Variants in ZNF440 observed in about 807,000 individuals in gnomAD.
The protein encoded by ZNF440 is zinc finger protein 440.
A neutral mutation model predicts 49.7 loss-of-function variants in ZNF440; 47 were observed. That is an observed-to-expected ratio of 0.95 (90% confidence interval 0.75 to 1.21). The LOEUF is 1.21. Among genes scored for constraint, ZNF440 ranks in the 50% most tolerant of loss-of-function variants. ZNF440 has a pLI of 0.00. For synonymous variants in ZNF440, 255 were observed against 237.7 expected, an observed-to-expected ratio of 1.07 and a Z score of -0.67; for missense variants, 703 against 715.0, an observed-to-expected ratio of 0.98 and a Z score of 0.19.
intron 1 of ZNF440, among the ~76,000 whole-genome samples, chr19:11,821,191 G>A (rs905764154): frequency 2.0e-5 from 3 of 152,102 alleles, no homozygotes; most frequent in Admixed American, 1.3e-4. Flanking sequence ...GGCAGAATTG[G>A]GGTGACCTAA....
At position 11,832,480 on chromosome 19, in the gene ZNF440, A is replaced by T; in HGVS notation, c.1304A>T (p.Tyr435Phe). 1 of 1,612,020 alleles carries T rather than the reference A, an allele frequency of 6.2e-7. No homozygotes were observed. Among genetic ancestry groups the T allele is most frequent in the Admixed American group, 1.7e-5 (1 of 59,778 alleles). Residue 435 changes from tyrosine (Y) to phenylalanine (F), a missense_variant, in exon 4 of 4, where the codon TAT becomes TTT. Tyr to Phe is a conservative substitution (Grantham distance 22). Coordinates refer to ENST00000304060, the MANE Select transcript of ZNF440 (RefSeq NM_152357.3). ...ECKECGKAFR[Y>F]VNNLQSHERT... The stretch of plus-strand genomic sequence containing the variant: ...AAGGAATGTGGGAAAGCCTTCAGAT[A>T]TGTGAATAACCTTCAAAGTCATGAA...
rs769163751 is a variant in ZNF440 at position 11,832,019 on chromosome 19, A to G, written c.843A>G (p.Glu281=). The part of the protein sequence containing the change: ...YRRHERIHMG[E]KAYQCKECGK... The stretch of plus-strand genomic sequence containing the variant: ...GACATGAAAGGATTCACATGGGAGA[A>G]AAGGCTTATCAATGTAAGGAATGTG... Residue 281 remains glutamate, a synonymous_variant, in exon 4 of 4, where the codon GAA becomes GAG. Coordinates refer to ENST00000304060, the MANE Select transcript of ZNF440 (RefSeq NM_152357.3). 1.9e-6 allele frequency: 3 copies of G among 1,614,130 alleles called. No individual in the cohort carries two copies. Among genetic ancestry groups the G allele is most frequent in the Non-Finnish European group, 2.5e-6 (3 of 1,180,010 alleles).
Position 11,834,828 on chromosome 19 carries a change from T to G in ZNF440, c.*1864T>G, listed in dbSNP as rs527635228. The G allele has an allele frequency of 7.2e-4, 110 of 152,222 alleles. No homozygotes were observed. Among genetic ancestry groups the G allele is most frequent in the African/African-American group, 2.5e-3 (105 of 41,540 alleles). 9.4% of individuals were successfully genotyped at this position (152,222 alleles called of 1,614,324 possible). On this transcript the variant is annotated 3_prime_UTR_variant, in exon 4 of 4. Transcript: ENST00000304060. Reference sequence around the variant, plus strand: ...GGCTCACGCCTGTAATCCCAGCACTTTGGGAGGCCGAGGTCAGGAGTTAGA... The same window carrying G: ...GGCTCACGCCTGTAATCCCAGCACTGTGGGAGGCCGAGGTCAGGAGTTAGA...
At chr19:11,817,553 C>T (rs1549) in intron 1 of ZNF440, 48,559 of 151,920 alleles carry the variant, frequency 0.32, 8,091 homozygotes, top group Non-Finnish European at 0.37. Flanking sequence ...GCTGAGGACA[C>T]GCCACTGCAC....
rs117107178 is a variant in ZNF440, at chr19:11,826,209, C to A, written c.4-4074C>A. 3.9e-3 allele frequency among the ~76,000 whole-genome samples: 590 copies of A among 152,274 alleles called. 20 individuals are homozygous for A. In the East Asian group the frequency reaches 0.077, roughly 20 times the overall value. On this transcript the variant is annotated intron_variant, in intron 1 of 3. Transcript: ENST00000304060. ...CACCTGTTGAAAGGCTCATCTTGAG[C>A]CTGGTGTCACGCCTCATCCCTGAGT...
At chr19:11,830,816 T>C (rs1975927650) in intron 3 of ZNF440, 139 bp downstream of exon 3, 1 of 1,170,396 alleles carries the variant, frequency 8.5e-7, no homozygotes, top group Middle Eastern at 2.2e-4. Context: ...AAAAAACATA[T>C]ATGTAAATGT....
chr19:11,833,217 C>T lies in ZNF440; in HGVS notation c.*253C>T, dbSNP rs1218397152. 1 of 1,016,408 alleles carries T rather than the reference C, an allele frequency of 9.8e-7. No individual in the cohort carries two copies. The highest frequency in any genetic ancestry group is 1.5e-6 in the Non-Finnish European group (1 of 684,930). The allele number at this position is 1,016,408 out of a possible 1,614,324, so 63.0% of individuals were successfully genotyped here. A position where few individuals can be genotyped will look rare whatever the true frequency, so the allele number is the denominator to read the frequency against. On this transcript the variant is annotated 3_prime_UTR_variant, in exon 4 of 4. Coordinates refer to ENST00000304060, the MANE Select transcript of ZNF440 (RefSeq NM_152357.3). ...AAAAATCTTCGATTTCATAAAAGGA[C>T]ACACACTGGAGAGAAACCCTGTGAA...
intron 1 of ZNF440, chr19:11,817,079 G>A (rs1330683532): frequency 6.6e-6 from 1 of 152,216 alleles, no homozygotes; most frequent in Admixed American, 6.5e-5. Context: ...GAAAGTTTCA[G>A]ATTTCAACTG....
At chr19:11,822,264 C>A (rs1232646960) in intron 1 of ZNF440, among the ~76,000 whole-genome samples, 1 of 152,144 alleles carries the variant, frequency 6.6e-6, no homozygotes, top group Non-Finnish European at 1.5e-5. Flanking sequence ...CATGGAGGAA[C>A]TGGGAGAAAG....
At chr19:11,830,981 G>T (rs959792055) in intron 3 of ZNF440, among the ~76,000 whole-genome samples, 3 of 152,078 alleles carry the variant, frequency 2.0e-5, no homozygotes, top group African/African-American at 7.2e-5. Flanking sequence ...GTGGTCTGTA[G>T]TCCCAGCTAC....
Position 11,832,463 on chromosome 19 carries a change from TG to T in ZNF440, c.1290del (p.Ala432ProfsTer5). On this transcript the variant is annotated frameshift_variant, in exon 4 of 4. Transcript: ENST00000304060. LOFTEE classifies it high-confidence loss of function. ...GEKPYECKEC[G>X]KAFRYVNNLQ... ...AGAAACCGTATGAATGTAAGGAATG[TG>T]GGAAAGCCTTCAGATATGTGAATAA... The T allele has an allele frequency of 6.2e-7, 1 of 1,613,406 alleles. No homozygotes were observed. The highest frequency in any genetic ancestry group is 8.5e-7 in the Non-Finnish European group (1 of 1,179,882).
At chr19:11,819,185 T>C (rs1228793267) in intron 1 of ZNF440, among the ~76,000 whole-genome samples, 2 of 152,046 alleles carry the variant, frequency 1.3e-5, no homozygotes, top group Non-Finnish European at 2.9e-5. Flanking sequence ...AAAAAAATAG[T>C]GATGAGGGAA....
rs778910663 is a variant in ZNF440, at chr19:11,831,691, A to T, written c.515A>T (p.Asn172Ile). Reference sequence around the variant, plus strand: ...AGGGATCACACTGGAGAGAAACCCAATGCTTGTAAAGTATGTGGAAAAACC... The same window carrying T: ...AGGGATCACACTGGAGAGAAACCCATTGCTTGTAAAGTATGTGGAAAAACC... ...QERDHTGEKP[N>I]ACKVCGKTFI... The change falls in exon 4 of 4, where the codon AAT (asparagine) becomes ATT (isoleucine). Residue 172 changes from asparagine (N) to isoleucine (I), a missense_variant. Physicochemically the swap from Asn to Ile is moderately radical, Grantham distance 149. Transcript: ENST00000304060. 4 of 1,614,000 alleles carry T rather than the reference A, an allele frequency of 2.5e-6. No individual in the cohort carries two copies. The highest frequency in any genetic ancestry group is 3.4e-6 in the Non-Finnish European group (4 of 1,180,014).
Position 11,831,725 on chromosome 19 carries a change from C to T in ZNF440, c.549C>T (p.Ser183=). ...AAGTATGTGGAAAAACCTTTATTTC[C>T]CATTCAAGTGTTCGAAGACACATGG... The part of the protein sequence containing the change: ...ACKVCGKTFI[S]HSSVRRHMVM... Residue 183 remains serine (S), a synonymous_variant, in exon 4 of 4, where the codon TCC becomes TCT. Transcript: ENST00000304060. The T allele has an allele frequency of 1.2e-6, 2 of 1,613,882 alleles. No homozygotes were observed. Among genetic ancestry groups the T allele is most frequent in the South Asian group, 2.2e-5 (2 of 91,060 alleles).
rs149783718 is a variant in ZNF440 at position 11,820,505 on chromosome 19, G to A, written c.3+6055G>A. Among the ~76,000 whole-genome samples the A allele has an allele frequency of 5.5e-3, 837 of 152,024 alleles. 10 individuals carry two copies. The highest frequency in any genetic ancestry group is 0.019 in the African/African-American group (806 of 41,488). On this transcript the variant is annotated intron_variant, in intron 1 of 3. Transcript: ENST00000304060. ...AGTGCTGGGATTACAGGCGTAATCC[G>A]GCCACTGTGCCCGGCCCTACACCCT...
At chr19:11,830,027 A>C in intron 1 of ZNF440, 5 of 579,460 alleles carry the variant, frequency 8.6e-6, no homozygotes, top group Non-Finnish European at 1.4e-5. Flanking sequence ...GAGGCTGAGG[A>C]AGAAGAAGTG....
At chr19:11,829,637 G>A (rs1216982766) in intron 1 of ZNF440, among the ~76,000 whole-genome samples, 1 of 152,106 alleles carries the variant, frequency 6.6e-6, no homozygotes, top group Non-Finnish European at 1.5e-5. Flanking sequence ...CTATCCTGCT[G>A]TGGCTTTAGC....
chr19:11,814,608 C>T (rs1975709098), intron 1 of ZNF440, among the ~76,000 whole-genome samples, 158 bp downstream of exon 1: 1 of 152,166 alleles, frequency 6.6e-6, no homozygotes, highest in Admixed American at 6.5e-5. Context: ...GCCGGGACCC[C>T]GGGCCTCCTG....
rs769054188 is a variant in ZNF440 at position 11,831,915 on chromosome 19, A to G, written c.739A>G (p.Lys247Glu). ...FSYSATHRIHKRTHTGEKPYE... is the reference protein window; with the variant it reads ...FSYSATHRIHERTHTGEKPYE... The stretch of plus-strand genomic sequence containing the variant: ...TTATTCTGCTACCCATCGAATACAT[A>G]AAAGAACTCACACTGGAGAAAAGCC... The change falls in exon 4 of 4, where the codon AAA (lysine) becomes GAA (glutamate). Residue 247 changes from lysine to glutamate, a missense_variant. Coordinates refer to ENST00000304060, the MANE Select transcript of ZNF440 (RefSeq NM_152357.3). 11 of 1,613,798 alleles carry G rather than the reference A, an allele frequency of 6.8e-6. No homozygotes were observed. The highest frequency in any genetic ancestry group is 1.7e-5 in the Admixed American group (1 of 59,974).
Sources: gnomAD v4.1 joint callset for allele counts (sites outside exome capture counted in the v4.1 genomes callset) on GRCh38, gnomAD v4.1.1 for gene constraint, MANE v1.5 for transcripts, NCBI Gene and HGNC (gene_info 2026-07-23, HGNC 2026-07-21) for gene names.